PPARGC1A: variants seen among roughly 807,000 people sequenced by gnomAD.
PPARGC1A encodes the protein peroxisome proliferator-activated receptor gamma coactivator 1-alpha.
In PPARGC1A, 25 loss-of-function variants were observed where a neutral mutation model predicts 88.7. The ratio of observed to expected loss-of-function variants is 0.28; its 90% CI spans 0.21 to 0.39. The LOEUF (loss-of-function observed/expected upper bound fraction) is 0.39. PPARGC1A is among the 10% of genes least tolerant of loss of function. The pLI is 1.00. For missense variants in PPARGC1A, 880 were observed against 968.7 expected (o/e 0.91, Z 1.22); for synonymous variants, 363 against 355.6 (o/e 1.02, Z -0.24).
rs565538277 is a variant in PPARGC1A at position 23,888,933 on chromosome 4, A to C, written c.54+971T>G. 2.4e-5 allele frequency: 24 copies of C among 985,044 alleles called. 1 individual carries two copies. The East Asian group carries it at 2.3e-3, about 93-fold the overall frequency. The allele number at this position is 985,044 out of a possible 1,614,324, so 61.0% of individuals were successfully genotyped here. ...CCTCCATGCAATTCAATTCGAGTCCATCTCACCAGAGTCCACAGAAAGTTT... is the reference window on the plus strand; with the variant it reads ...CCTCCATGCAATTCAATTCGAGTCCCTCTCACCAGAGTCCACAGAAAGTTT... On this transcript the variant is annotated intron_variant, in intron 1 of 12. Coordinates refer to ENST00000264867, the MANE Select transcript of PPARGC1A (RefSeq NM_013261.5).
the PPARGC1A span, among the ~76,000 whole-genome samples, chr4:24,104,957 GATC>G: frequency 2.0e-5 from 3 of 152,258 alleles, no homozygotes; most frequent in East Asian, 1.9e-4. Flanking sequence ...GGAAAATGGG[GATC>G]ATACTTCACT....
At chr4:24,433,575 C>T in the PPARGC1A span, among the ~76,000 whole-genome samples, 1 of 152,098 alleles carries the variant, frequency 6.6e-6, no homozygotes, top group Non-Finnish European at 1.5e-5. Context: ...ATGAATGATG[C>T]CTCTTGCCTA....
At chr4:24,256,899 T>C in the PPARGC1A span, among the ~76,000 whole-genome samples, 3 of 152,120 alleles carry the variant, frequency 2.0e-5, no homozygotes, top group Non-Finnish European at 2.9e-5. Context: ...AAGAAAGATA[T>C]AGACAGATAA....
chr4:23,946,406 C>G, the PPARGC1A span, among the ~76,000 whole-genome samples: 458 of 152,186 alleles, frequency 3.0e-3, 3 homozygotes, highest in Non-Finnish European at 4.8e-3. Flanking sequence ...CTAGCCAAGG[C>G]TGGGCTGGAT....
At chr4:23,921,222 C>A in the PPARGC1A span, among the ~76,000 whole-genome samples, 5 of 152,188 alleles carry the variant, frequency 3.3e-5, no homozygotes, top group Non-Finnish European at 4.4e-5. Context: ...ACTTTGTACC[C>A]TGGGAAAACA....
intron 12 of PPARGC1A, among the ~76,000 whole-genome samples, chr4:23,797,108 A>C (rs1717746018): frequency 6.6e-6 from 1 of 152,076 alleles, no homozygotes; most frequent in African/African-American, 2.4e-5. Context: ...TTTCATTCTG[A>C]TCACCTTTGG....
chr4:24,115,584 T>C, the PPARGC1A span, among the ~76,000 whole-genome samples: 1 of 152,148 alleles, frequency 6.6e-6, no homozygotes, highest in Non-Finnish European at 1.5e-5. Flanking sequence ...TTTATATTAT[T>C]CCCATTAAAA....
At chr4:24,386,060 C>T in the PPARGC1A span, among the ~76,000 whole-genome samples, 200 of 152,318 alleles carry the variant, frequency 1.3e-3, no homozygotes, top group Middle Eastern at 3.4e-3. Flanking sequence ...AAGTCAGCTT[C>T]ATCCCTGGGA....
chr4:24,251,120 G>C, the PPARGC1A span, among the ~76,000 whole-genome samples: 3 of 152,172 alleles, frequency 2.0e-5, no homozygotes, highest in African/African-American at 7.2e-5. Flanking sequence ...TCCTGTGCTA[G>C]TTATAGCTTC....
chr4:24,102,221 T>C, the PPARGC1A span, among the ~76,000 whole-genome samples: 1 of 152,216 alleles, frequency 6.6e-6, no homozygotes, highest in African/African-American at 2.4e-5. Flanking sequence ...TACAATAGTT[T>C]CTAAAATGTT....
the PPARGC1A span, among the ~76,000 whole-genome samples, chr4:24,407,548 G>A: frequency 6.6e-6 from 1 of 152,224 alleles, no homozygotes; most frequent in Non-Finnish European, 1.5e-5. Context: ...TCGATTTTAA[G>A]AGGAGGCAAC....
the PPARGC1A span, among the ~76,000 whole-genome samples, chr4:23,976,042 C>A: frequency 1.3e-5 from 2 of 152,062 alleles, no homozygotes; most frequent in South Asian, 2.1e-4. Context: ...TAATGATAGT[C>A]CTTTATCAGC....
At chr4:24,420,051 T>TC in the PPARGC1A span, among the ~76,000 whole-genome samples, 1 of 152,240 alleles carries the variant, frequency 6.6e-6, no homozygotes, top group African/African-American at 2.4e-5. Flanking sequence ...AACAGTTCTG[T>TC]CAGTTGCTGA....
chr4:24,190,430 G>A, the PPARGC1A span, among the ~76,000 whole-genome samples: 4 of 152,086 alleles, frequency 2.6e-5, no homozygotes, highest in Admixed American at 6.5e-5. Context: ...CAGGAGAATG[G>A]TATGAACCCA....
the PPARGC1A span, among the ~76,000 whole-genome samples, chr4:24,204,330 G>C: frequency 6.6e-6 from 1 of 152,130 alleles, no homozygotes; most frequent in Non-Finnish European, 1.5e-5. Context: ...CTGCACCACT[G>C]GAATATAGGT....
chr4:23,958,417 C>T, the PPARGC1A span, among the ~76,000 whole-genome samples: 1 of 152,016 alleles, frequency 6.6e-6, no homozygotes, highest in African/African-American at 2.4e-5. Flanking sequence ...AAATTCATAA[C>T]AAAAATAGAT....
chr4:24,456,622 T>C, the PPARGC1A span, among the ~76,000 whole-genome samples: 2 of 151,940 alleles, frequency 1.3e-5, no homozygotes, highest in Admixed American at 6.6e-5. Context: ...TGGACAGATA[T>C]AGAAGGGTGA....
the PPARGC1A span, among the ~76,000 whole-genome samples, chr4:24,311,635 A>G: frequency 1.3e-5 from 2 of 151,832 alleles, no homozygotes; most frequent in Non-Finnish European, 2.9e-5. Context: ...GCAAGACTCC[A>G]TCTCAAAAAA....
the PPARGC1A span, among the ~76,000 whole-genome samples, chr4:24,233,457 G>A: frequency 1.3e-5 from 2 of 151,930 alleles, no homozygotes; most frequent in African/African-American, 4.8e-5. Flanking sequence ...TGAAATGGCA[G>A]CCAAACACCA....
Sources: gnomAD v4.1 joint callset for allele counts (sites outside exome capture counted in the v4.1 genomes callset) on GRCh38, gnomAD v4.1.1 for gene constraint, MANE v1.5 for transcripts, NCBI Gene and HGNC (gene_info 2026-07-23, HGNC 2026-07-21) for gene names.